Variants in DHRSX observed in about 807,000 individuals in gnomAD.
DHRSX encodes the protein dehydrogenase/reductase X-linked.
A neutral mutation model predicts 34.0 loss-of-function variants in DHRSX; 31 were observed. The observed-to-expected ratio is 0.91, with a 90% confidence interval of 0.69 to 1.23. The LOEUF (loss-of-function observed/expected upper bound fraction) is 1.23, where lower values mean the gene tolerates loss of function less well. Ranked by LOEUF, DHRSX falls within the 50% of genes most tolerant of loss-of-function variation. The probability of loss-of-function intolerance (pLI) is 0.00; values close to 1 mark genes in which losing one functional copy is unlikely to be tolerated. For missense variants in DHRSX, 414 were observed against 428.1 expected (o/e 0.97, Z 0.29); for synonymous variants, 201 against 183.8 (o/e 1.09, Z -0.76).
chrX:2,294,787 AAGAG>A (rs754680465), intron 3 of DHRSX, among the ~76,000 whole-genome samples: 9 of 144,018 alleles, frequency 6.2e-5, no homozygotes, highest in Admixed American at 1.4e-4. Flanking sequence ...AGAGAGGAAA[AAGAG>A]AGGGAGAGAG....
In DHRSX at chrX:2,233,114, C is replaced by T. The variant is rs186237919; in HGVS notation, c.804+9909G>A. ...TGCCAAAGAGACTAGAGGTGGCCCA[C>T]GAAGACTAAGACACTTCCTATCTGG... On this transcript the variant is annotated intron_variant, in intron 6 of 6. Coordinates refer to ENST00000334651, the MANE Select transcript of DHRSX (RefSeq NM_145177.3). 2.5e-3 allele frequency among the ~76,000 whole-genome samples: 376 copies of T among 152,278 alleles called. 3 individuals are homozygous for T. Among genetic ancestry groups the T allele is most frequent in the African/African-American group, 8.5e-3 (355 of 41,562 alleles).
chrX:2,437,037 G>A (rs1179557163), intron 1 of DHRSX, among the ~76,000 whole-genome samples: 2 of 151,768 alleles, frequency 1.3e-5, no homozygotes, highest in African/African-American at 2.4e-5. Flanking sequence ...TCGCTCTGTT[G>A]CCCAGGCTGG....
chrX:2,395,394 T>C (rs1178622255), intron 3 of DHRSX, among the ~76,000 whole-genome samples: 1 of 152,116 alleles, frequency 6.6e-6, no homozygotes, highest in Non-Finnish European at 1.5e-5. Context: ...CAAAGGGGGC[T>C]TGTACTGTGT....
intron 1 of DHRSX, among the ~76,000 whole-genome samples, chrX:2,466,048 C>G (rs1371516494): frequency 2.0e-5 from 3 of 152,142 alleles, no homozygotes; most frequent in African/African-American, 7.2e-5. Flanking sequence ...TTCCTGAACA[C>G]GACGCCTGTT....
intron 1 of DHRSX, chrX:2,489,895 G>C (rs776679539): frequency 3.7e-6 from 6 of 1,613,866 alleles, no homozygotes; most frequent in Non-Finnish European, 5.1e-6. Context: ...ACGCCTTCAC[G>C]ATGTCCTTGC....
intron 1 of DHRSX, among the ~76,000 whole-genome samples, chrX:2,426,243 C>A (rs1320642243): frequency 6.6e-6 from 1 of 152,132 alleles, no homozygotes; most frequent in Non-Finnish European, 1.5e-5. Flanking sequence ...TGGTATCACA[C>A]GTGCAGATAG....
intron 5 of DHRSX, among the ~76,000 whole-genome samples, chrX:2,261,039 G>A (rs1488031109): frequency 6.6e-6 from 1 of 151,516 alleles, no homozygotes; most frequent in Non-Finnish European, 1.5e-5. Flanking sequence ...GTGAAGCCCT[G>A]TTTCTACTAA....
intron 3 of DHRSX, among the ~76,000 whole-genome samples, chrX:2,371,152 T>G (rs1171603551): frequency 1.3e-5 from 2 of 151,038 alleles, no homozygotes; most frequent in African/African-American, 4.9e-5. Flanking sequence ...TCCCCCCTCC[T>G]CCATTACCGT....
chrX:2,475,175 T>G (rs73180878), intron 1 of DHRSX, among the ~76,000 whole-genome samples: 23,895 of 135,800 alleles, frequency 0.18, 3,223 homozygotes, highest in African/African-American at 0.36. Flanking sequence ...CTAAGGGACC[T>G]CCGCCATGTG....
In DHRSX at chrX:2,490,558, G is replaced by A. The variant is rs150600366; in HGVS notation, c.109+10259C>T. 82 of 1,613,976 alleles carry A rather than the reference G, an allele frequency of 5.1e-5. No individual in the cohort carries two copies. In the East Asian group the frequency reaches 6.2e-4, roughly 12 times the overall value. On this transcript the variant is annotated intron_variant, in intron 1 of 6. Transcript: ENST00000334651. The stretch of plus-strand genomic sequence containing the variant: ...GGTTGGAGGTGTTTCCGGAGTAGGC[G>A]ATCTGGGCCATGCAGATGCGGCAGT...
chrX:2,446,937 G>A (rs1183541562), intron 1 of DHRSX, among the ~76,000 whole-genome samples: 8 of 151,842 alleles, frequency 5.3e-5, no homozygotes, highest in South Asian at 2.1e-4. Flanking sequence ...CGCCATGTAC[G>A]CACTGAAGCC....
At chrX:2,475,546 G>A (rs1471761230) in intron 1 of DHRSX, among the ~76,000 whole-genome samples, 1 of 151,870 alleles carries the variant, frequency 6.6e-6, no homozygotes, top group Non-Finnish European at 1.5e-5. Flanking sequence ...TAAGCATGTG[G>A]CTAAGGGACC....
At chrX:2,381,695 G>A (rs2043204450) in intron 3 of DHRSX, among the ~76,000 whole-genome samples, 1 of 150,998 alleles carries the variant, frequency 6.6e-6, no homozygotes, top group Non-Finnish European at 1.5e-5. Context: ...TATTTCCCCT[G>A]AGGGCACGTA....
intron 1 of DHRSX, among the ~76,000 whole-genome samples, chrX:2,433,983 T>G (rs2043961813): frequency 6.6e-6 from 1 of 151,962 alleles, no homozygotes; most frequent in South Asian, 2.1e-4. Flanking sequence ...TTTCACTGTG[T>G]TAGCCAGGAT....
rs1329354628 is a variant in DHRSX at position 2,485,832 on chromosome X, AGAAG to A, written c.109+14981_109+14984del. Reference sequence around the variant, plus strand: ...GAAGGGAGAGAAGGAAGGAAGGGAGAGAAGGAAGGAAGGGAGAGAAAGAAAGAAG... The same window carrying A: ...GAAGGGAGAGAAGGAAGGAAGGGAGAGAAGGAAGGGAGAGAAAGAAAGAAG... On this transcript the variant is annotated intron_variant, in intron 1 of 6. Coordinates refer to ENST00000334651, the MANE Select transcript of DHRSX (RefSeq NM_145177.3). 1.5e-4 allele frequency among the ~76,000 whole-genome samples: 12 copies of A among 81,278 alleles called. 1 individual carries two copies. Among genetic ancestry groups the A allele is most frequent in the Admixed American group, 3.1e-4 (2 of 6,352 alleles). The allele number at this position is 81,278 out of a possible 152,430, so 53.3% of individuals were successfully genotyped here.
At chrX:2,372,674 C>T (rs1174338034) in intron 3 of DHRSX, among the ~76,000 whole-genome samples, 1 of 151,370 alleles carries the variant, frequency 6.6e-6, no homozygotes, top group East Asian at 2.0e-4. Flanking sequence ...AATGGCGCAA[C>T]CTCGGCTCAC....
chrX:2,264,765 G>A (rs767213686), intron 5 of DHRSX, among the ~76,000 whole-genome samples: 1 of 151,760 alleles, frequency 6.6e-6, no homozygotes, highest in East Asian at 2.0e-4. Flanking sequence ...ACCGTGCCCA[G>A]AGCACCTGTG....
At chrX:2,340,768 C>T (rs1210055214) in intron 3 of DHRSX, among the ~76,000 whole-genome samples, 3 of 151,834 alleles carry the variant, frequency 2.0e-5, no homozygotes, top group Non-Finnish European at 4.4e-5. Flanking sequence ...AAGATAGGCT[C>T]GTGAGAGGAG....
At chrX:2,298,618 A>ACGCACGCACACGCACGCG (rs2041969399) in intron 3 of DHRSX, among the ~76,000 whole-genome samples, 1 of 135,360 alleles carries the variant, frequency 7.4e-6, no homozygotes, top group African/African-American at 3.8e-5. Flanking sequence ...ACACACACAC[A>ACGCACGCACACGCACGCG]CACACACACA....
Sources: gnomAD v4.1 joint callset for allele counts (sites outside exome capture counted in the v4.1 genomes callset) on GRCh38, gnomAD v4.1.1 for gene constraint, MANE v1.5 for transcripts, NCBI Gene and HGNC (gene_info 2026-07-23, HGNC 2026-07-21) for gene names.